Variants in ANK3 observed in about 807,000 individuals in gnomAD.
ANK3 encodes ankyrin 3.
ANK3 carries 57 observed loss-of-function variants against 370.9 expected under a neutral mutation model. That is an observed-to-expected ratio of 0.15 (90% CI 0.12 to 0.19). The LOEUF (loss-of-function observed/expected upper bound fraction) is 0.19. Among genes scored for constraint, ANK3 ranks in the 10% least tolerant of loss-of-function variants. The pLI, the probability that ANK3 is intolerant of heterozygous loss-of-function variation, is 1.00. For synonymous variants in ANK3, 1,929 were observed against 1,946.3 expected (o/e 0.99, Z 0.23); for missense variants, 4,439 against 5,302.1 (o/e 0.84, Z 5.06).
chr10:60,134,888 G>A (rs1359064088), intron 24 of ANK3, among the ~76,000 whole-genome samples: 1 of 152,222 alleles, frequency 6.6e-6, no homozygotes, highest in Non-Finnish European at 1.5e-5. Flanking sequence ...AATACACTTT[G>A]CATGATCCTT....
intron 1 of ANK3, among the ~76,000 whole-genome samples, chr10:60,322,149 A>C (rs1287831576): frequency 6.6e-6 from 1 of 152,188 alleles, no homozygotes; most frequent in African/African-American, 2.4e-5. Flanking sequence ...ATATTAAGTA[A>C]TTACAAAGAT....
chr10:60,439,324 C>A (rs568067423), intron 2 of ANK3, among the ~76,000 whole-genome samples: 11 of 152,054 alleles, frequency 7.2e-5, no homozygotes, highest in African/African-American at 2.2e-4. Flanking sequence ...TAAACAGAAT[C>A]CTGTGGTAGA....
intron 2 of ANK3, among the ~76,000 whole-genome samples, chr10:60,488,306 A>G (rs1389141106): frequency 6.6e-6 from 1 of 152,170 alleles, no homozygotes; most frequent in East Asian, 1.9e-4. Flanking sequence ...AAGTTTACAC[A>G]TGCCCTGGAA....
At chr10:60,452,065 T>C (rs944540261) in intron 2 of ANK3, among the ~76,000 whole-genome samples, 1 of 152,222 alleles carries the variant, frequency 6.6e-6, no homozygotes, top group South Asian at 2.1e-4. Flanking sequence ...TGGAATAATA[T>C]GTTTCTGTAA....
rs2079930642 is a variant in ANK3, at chr10:60,725,635, G to T, written c.57+7628C>A. Reference sequence around the variant, plus strand: ...GCTTTTCTTTTCTTTTCAATAAAATGAGACTCTCTACTTCAACTACCTGAT... The same window carrying T: ...GCTTTTCTTTTCTTTTCAATAAAATTAGACTCTCTACTTCAACTACCTGAT... On this transcript the variant is annotated intron_variant, in intron 1 of 43. Coordinates refer to the ANK3 transcript ENST00000373827. 2.0e-5 allele frequency among the ~76,000 whole-genome samples: 3 copies of T among 152,116 alleles called. No homozygotes were observed. In the South Asian group the frequency reaches 6.2e-4, roughly 32 times the overall value.
At chr10:60,248,593 T>A (rs1210172282) in intron 7 of ANK3, among the ~76,000 whole-genome samples, 1 of 152,210 alleles carries the variant, frequency 6.6e-6, no homozygotes, top group Non-Finnish European at 1.5e-5. Flanking sequence ...ACAAACATAA[T>A]TAAAATGGAA....
chr10:60,292,673 CA>C (rs1294641423), intron 1 of ANK3, among the ~76,000 whole-genome samples: 1 of 145,152 alleles, frequency 6.9e-6, no homozygotes. Context: ...ATGTGCTGAA[CA>C]AAAAAAACAT....
chr10:60,639,732 A>G (rs184933799), intron 1 of ANK3, among the ~76,000 whole-genome samples: 2 of 152,018 alleles, frequency 1.3e-5, no homozygotes, highest in Non-Finnish European at 2.9e-5. Flanking sequence ...TATTTCTAAT[A>G]AGCTAATAAA....
intron 2 of ANK3, among the ~76,000 whole-genome samples, chr10:60,456,252 C>A (rs778314290): frequency 1.3e-5 from 2 of 152,196 alleles, no homozygotes; most frequent in Non-Finnish European, 2.9e-5. Flanking sequence ...AAGCTGCCAG[C>A]GCCCCCTTTG....
chr10:60,343,920 T>C (rs968301238), intron 1 of ANK3, among the ~76,000 whole-genome samples: 1 of 152,220 alleles, frequency 6.6e-6, no homozygotes, highest in Non-Finnish European at 1.5e-5. Flanking sequence ...GCTGATGTAG[T>C]TAATCCAGAG....
intron 2 of ANK3, among the ~76,000 whole-genome samples, chr10:60,562,411 G>C (rs144556513): frequency 7.1e-4 from 108 of 151,976 alleles, no homozygotes; most frequent in Middle Eastern, 6.8e-3. Flanking sequence ...TTTGTTTCGG[G>C]GGGGGCATCC....
intron 2 of ANK3, among the ~76,000 whole-genome samples, chr10:60,466,760 A>G (rs1055167231): frequency 4.6e-5 from 7 of 152,186 alleles, no homozygotes; most frequent in African/African-American, 1.7e-4. Context: ...GCATGCTACA[A>G]CATAGATGAA....
At chr10:60,189,105 C>G (rs2096414349) in intron 16 of ANK3, among the ~76,000 whole-genome samples, 1 of 152,180 alleles carries the variant, frequency 6.6e-6, no homozygotes, top group African/African-American at 2.4e-5. Flanking sequence ...CTTCTCAACC[C>G]CCTAACAAGG....
chr10:60,420,642 A>T (rs1328182004), intron 2 of ANK3, among the ~76,000 whole-genome samples: 1 of 152,092 alleles, frequency 6.6e-6, no homozygotes, highest in Admixed American at 6.6e-5. Context: ...TCTGTGTCAA[A>T]ATGAACCATT....
intron 1 of ANK3, among the ~76,000 whole-genome samples, chr10:60,295,937 G>A (rs1288472745): frequency 6.6e-6 from 1 of 152,164 alleles, no homozygotes; most frequent in African/African-American, 2.4e-5. Context: ...TTTGGTTGAA[G>A]TAGGTCAAGG....
At chr10:60,257,749 T>C (rs2097758715) in intron 7 of ANK3, among the ~76,000 whole-genome samples, 1 of 152,206 alleles carries the variant, frequency 6.6e-6, no homozygotes, top group Non-Finnish European at 1.5e-5. Flanking sequence ...TTCACGTCTG[T>C]ATATTTTAAT....
At chr10:60,364,543 G>C (rs894695861) in intron 1 of ANK3, among the ~76,000 whole-genome samples, 7 of 151,974 alleles carry the variant, frequency 4.6e-5, no homozygotes, top group South Asian at 4.2e-4. Context: ...GGGCCTGTTG[G>C]GGGGTGGGAG....
At chr10:60,388,068 G>T (rs1326458735) in intron 1 of ANK3, among the ~76,000 whole-genome samples, 2 of 152,106 alleles carry the variant, frequency 1.3e-5, no homozygotes, top group Non-Finnish European at 2.9e-5. Flanking sequence ...AATAAAATTA[G>T]ACCAGAATCT....
intron 43 of ANK3, among the ~76,000 whole-genome samples, chr10:60,035,847 G>A (rs2074844141): frequency 6.7e-6 from 1 of 149,212 alleles, no homozygotes; most frequent in Non-Finnish European, 1.5e-5. Flanking sequence ...AAATTAGCTG[G>A]GCTAATTTTA....
Sources: allele counts gnomAD v4.1 joint callset (sites outside exome capture counted in the v4.1 genomes callset), GRCh38; gene constraint gnomAD v4.1.1; transcripts MANE v1.5; gene names NCBI Gene and HGNC (gene_info 2026-07-23, HGNC 2026-07-21).